The following CCDC125 variants were observed in gnomAD, a reference collection of about 807,000 sequenced individuals.
CCDC125 encodes coiled-coil domain containing 125.
In CCDC125, 43 loss-of-function variants were observed where a neutral mutation model predicts 57.4. The observed-to-expected ratio is 0.75, with a 90% CI of 0.59 to 0.97. The LOEUF (loss-of-function observed/expected upper bound fraction) is 0.97. Ranked by LOEUF, CCDC125 falls within the 50% of genes least tolerant of loss-of-function variation. The pLI, the probability that CCDC125 is intolerant of heterozygous loss-of-function variation, is 0.00. For synonymous variants in CCDC125, 187 were observed against 195.2 expected (o/e 0.96, Z 0.35); for missense variants, 563 against 595.7 (o/e 0.95, Z 0.57).
chr5:69,322,490 G>A (rs1039066428), intron 1 of CCDC125, among the ~76,000 whole-genome samples: 2 of 151,932 alleles, frequency 1.3e-5, no homozygotes, highest in Non-Finnish European at 2.9e-5. Context: ...TTGGGAGGCT[G>A]AGGCTAGAGG....
In CCDC125 at chr5:69,303,887, C is replaced by T; in HGVS notation, c.660G>A (p.Val220=). 1.2e-6 allele frequency: 2 copies of T among 1,608,318 alleles called. No homozygotes were observed. Among genetic ancestry groups the T allele is most frequent in the Middle Eastern group, 1.7e-4 (1 of 5,948 alleles). The change falls in exon 7 of 12, where the codon GTG becomes GTA. Residue 220 remains valine (V), a synonymous_variant. Transcript: ENST00000396496. ...TCAGCATTTTAATTTCTTCTGTTTT[C>T]ACTTTCAAATTCTCTTTGAGGACTG... The part of the protein sequence containing the change: ...ENAVLKENLK[V]KTEEIKMLKS...
intron 9 of CCDC125, 42 bp from the exon 10 acceptor site, chr5:69,292,404 C>G (rs1381129030): frequency 6.8e-7 from 1 of 1,474,076 alleles, no homozygotes; most frequent in Non-Finnish European, 9.4e-7. Flanking sequence ...GAGGCAAAAC[C>G]AGAACAATTC....
intron 1 of CCDC125, among the ~76,000 whole-genome samples, chr5:69,321,858 C>T (rs918603974): frequency 2.0e-5 from 3 of 151,788 alleles, no homozygotes; most frequent in Admixed American, 6.6e-5. Context: ...TTCTTTTAGA[C>T]GGAGCTTCGC....
rs1755688225 is a variant in CCDC125 at position 69,298,043 on chromosome 5, G to A, written c.816+1969C>T. Among the ~76,000 whole-genome samples the A allele has an allele frequency of 2.7e-5, 4 of 148,100 alleles. No individual in the cohort carries two copies. In the South Asian group the frequency reaches 8.5e-4, roughly 32 times the overall value. The stretch of plus-strand genomic sequence containing the variant: ...AAAGTTTTTTTTTTTTTGAGATGGA[G>A]TCCCGCTCTGTCACCAGGCTGGAGT... On this transcript the variant is annotated intron_variant, in intron 8 of 11. Coordinates refer to ENST00000396496, the MANE Select transcript of CCDC125 (RefSeq NM_176816.5).
Position 69,313,992 on chromosome 5 carries a change from G to A in CCDC125, c.359C>T (p.Thr120Ile). 2 of 1,606,690 alleles carry A rather than the reference G, an allele frequency of 1.2e-6. No homozygotes were observed. The highest frequency in any genetic ancestry group is 1.7e-6 in the Non-Finnish European group (2 of 1,173,326). Residue 120 changes from threonine (T) to isoleucine (I), a missense_variant, in exon 3 of 12, where the codon ACT (threonine) becomes ATT (isoleucine). Thr to Ile is a moderately conservative substitution (Grantham distance 89). Transcript: ENST00000396496. ...NEELRQCLNE[T>I]LEEVEMLKTE... ...ATTAGCCAGAGTACCTACCTCTAAA[G>A]TTTCATTAAGACATTGCCTTAATTC... is the stretch of plus-strand genomic sequence containing the variant.
chr5:69,307,328 G>A (rs1297788356), intron 5 of CCDC125, among the ~76,000 whole-genome samples: 1 of 151,832 alleles, frequency 6.6e-6, no homozygotes, highest in African/African-American at 2.4e-5. Flanking sequence ...AGATGAGATG[G>A]TCAGAAAGAC....
At chr5:69,303,213 T>C (rs1157793543) in intron 7 of CCDC125, among the ~76,000 whole-genome samples, 3 of 151,814 alleles carry the variant, frequency 2.0e-5, no homozygotes, top group African/African-American at 7.3e-5. Context: ...GTTGTTGTTG[T>C]TTGTTTGTTT....
rs772925518 is a variant in CCDC125 at position 69,294,175 on chromosome 5, A to G, written c.924+618T>C. 259 of 972,572 alleles carry G rather than the reference A, an allele frequency of 2.7e-4. 1 individual carries two copies. Among genetic ancestry groups the G allele is most frequent in the Middle Eastern group, 2.7e-3 (5 of 1,884 alleles). The allele number at this position is 972,572 out of a possible 1,614,324, so 60.2% of individuals were successfully genotyped here. On this transcript the variant is annotated intron_variant, in intron 9 of 11. Transcript: ENST00000396496. ...GTTGCTGATCCTAGTGATTTTAAGC[A>G]TAAATGTACATTTTCCTTCTATTAT...
chr5:69,275,667 A>G (rs1752047848), downstream of CCDC125, among the ~76,000 whole-genome samples: 1 of 152,202 alleles, frequency 6.6e-6, no homozygotes, highest in African/African-American at 2.4e-5. Context: ...TTGTCAAATT[A>G]AAAATATTTT....
At chr5:69,275,300 A>G (rs1752003942), downstream of CCDC125, among the ~76,000 whole-genome samples, 1 of 152,206 alleles carries the variant, frequency 6.6e-6, no homozygotes, top group South Asian at 2.1e-4. Flanking sequence ...TTGAATTAGA[A>G]TCCATTGGTT....
chr5:69,276,917 A>G (rs1752210842), downstream of CCDC125, among the ~76,000 whole-genome samples: 2 of 152,216 alleles, frequency 1.3e-5, no homozygotes, highest in African/African-American at 4.8e-5. Context: ...GGAACTATGT[A>G]TGTGTACCTT....
chr5:69,301,466 A>G (rs772398480), intron 7 of CCDC125, among the ~76,000 whole-genome samples: 2 of 151,914 alleles, frequency 1.3e-5, no homozygotes, highest in African/African-American at 4.8e-5. Context: ...CATGTCTACA[A>G]AAATTTTTTT....
At chr5:69,294,954 C>G in intron 8 of CCDC125, 54 bp from the exon 9 acceptor site, 24 of 1,451,088 alleles carry the variant, frequency 1.7e-5, no homozygotes, top group Non-Finnish European at 2.3e-5. Context: ...GTTTTAGCTG[C>G]ACACAAACAC....
At chr5:69,295,712 A>G (rs1227209323) in intron 8 of CCDC125, among the ~76,000 whole-genome samples, 1 of 152,160 alleles carries the variant, frequency 6.6e-6, no homozygotes, top group Non-Finnish European at 1.5e-5. Context: ...AATGTTAAAT[A>G]TACCTTCCCC....
chr5:69,277,928 C>T (rs918092139), downstream of CCDC125, among the ~76,000 whole-genome samples: 2 of 152,216 alleles, frequency 1.3e-5, no homozygotes, highest in East Asian at 3.8e-4. Flanking sequence ...CTCTGTCACT[C>T]AGGTTGGAGT....
chr5:69,331,184 T>A (rs1323728562), intron 1 of CCDC125, among the ~76,000 whole-genome samples: 1 of 151,678 alleles, frequency 6.6e-6, no homozygotes, highest in African/African-American at 2.4e-5. Flanking sequence ...GCGCCTTTAA[T>A]CCCAACTACT....
At chr5:69,273,818 G>T in the CCDC125 span, among the ~76,000 whole-genome samples, 1 of 152,110 alleles carries the variant, frequency 6.6e-6, no homozygotes. Context: ...CAAAATCATT[G>T]TTTAATGCAC....
At chr5:69,315,630 C>T (rs1291683302) in intron 2 of CCDC125, among the ~76,000 whole-genome samples, 2 of 150,844 alleles carry the variant, frequency 1.3e-5, no homozygotes, top group Non-Finnish European at 3.0e-5. Context: ...TGGTGGCGGG[C>T]GCCTGTAATC....
intron 1 of CCDC125, among the ~76,000 whole-genome samples, 193 bp downstream of exon 1, chr5:69,332,456 A>AT (rs1396494447): frequency 6.6e-6 from 1 of 152,250 alleles, no homozygotes; most frequent in Non-Finnish European, 1.5e-5. Context: ...AGAGAAAAAA[A>AT]GTAAAGCAGG....
Sources: gnomAD v4.1 joint callset for allele counts (sites outside exome capture counted in the v4.1 genomes callset) on GRCh38, gnomAD v4.1.1 for gene constraint, MANE v1.5 for transcripts, NCBI Gene and HGNC (gene_info 2026-07-23, HGNC 2026-07-21) for gene names.